The following WNK2 variants were observed in gnomAD, a reference collection of about 807,000 sequenced individuals.
The protein encoded by WNK2 is WNK lysine deficient protein kinase 2.
Under a neutral mutation model 192.1 loss-of-function variants are expected in WNK2, and 67 were observed. That is an observed-to-expected ratio of 0.35 (90% CI 0.29 to 0.43). WNK2 has a LOEUF of 0.43. Ranked by LOEUF, WNK2 falls within the 20% of genes least tolerant of loss-of-function variation. WNK2 has a pLI of 1.00. For missense variants in WNK2, 2,698 were observed against 3,089.7 expected (o/e 0.87, Z 3.01); for synonymous variants, 1,439 against 1,393.9 (o/e 1.03, Z -0.72).
At chr9:93,211,920 A>C (rs536458493) in intron 2 of WNK2, among the ~76,000 whole-genome samples, 1 of 149,618 alleles carries the variant, frequency 6.7e-6, no homozygotes, top group South Asian at 2.1e-4. Context: ...CCACTCACTC[A>C]CTCATCTACT....
At chr9:93,228,041 C>T (rs1838115062) in intron 2 of WNK2, among the ~76,000 whole-genome samples, 1 of 152,158 alleles carries the variant, frequency 6.6e-6, no homozygotes, top group Admixed American at 6.6e-5. Context: ...TTTATGGGAA[C>T]ATTAATTAGA....
At chr9:93,198,084 A>G (rs1831610943) in intron 2 of WNK2, among the ~76,000 whole-genome samples, 1 of 152,190 alleles carries the variant, frequency 6.6e-6, no homozygotes, top group African/African-American at 2.4e-5. Context: ...GTACAGGAAA[A>G]TACAAGATGT....
intron 28 of WNK2, among the ~76,000 whole-genome samples, chr9:93,312,931 G>A (rs1347962805): frequency 6.6e-6 from 1 of 152,144 alleles, no homozygotes; most frequent in East Asian, 1.9e-4. Flanking sequence ...CATTTCCATT[G>A]TAAGTGTCTC....
At chr9:93,265,967 C>T (rs1845103878) in intron 16 of WNK2, among the ~76,000 whole-genome samples, 2 of 152,190 alleles carry the variant, frequency 1.3e-5, no homozygotes, top group African/African-American at 2.4e-5. Context: ...ACTCAGCACT[C>T]GGATACTCCT....
chr9:93,232,942 T>C (rs1389882200), intron 4 of WNK2, among the ~76,000 whole-genome samples: 2 of 116,044 alleles, frequency 1.7e-5, no homozygotes, highest in African/African-American at 3.6e-5. Flanking sequence ...GTCTAGGCAA[T>C]GTAGTGAGAT....
chr9:93,256,890 G>C, intron 10 of WNK2, 58 bp from the exon 11 acceptor site: 5 of 1,453,566 alleles, frequency 3.4e-6, no homozygotes, highest in Non-Finnish European at 4.6e-6. Context: ...GTAACCAGTG[G>C]GGTGCGCTTG....
chr9:93,304,944 G>A (rs950153750), intron 26 of WNK2, among the ~76,000 whole-genome samples: 13 of 152,230 alleles, frequency 8.5e-5, no homozygotes, highest in Admixed American at 5.9e-4. Context: ...GGAGGCCTCC[G>A]TGGGCCAGGG....
At chr9:93,201,601 G>A (rs1445400726) in intron 2 of WNK2, among the ~76,000 whole-genome samples, 1 of 152,202 alleles carries the variant, frequency 6.6e-6, no homozygotes, top group African/African-American at 2.4e-5. Flanking sequence ...GTGTCTGAGG[G>A]CTATGGACAG....
At chr9:93,238,726 C>T (rs1840237720) in intron 6 of WNK2, among the ~76,000 whole-genome samples, 1 of 152,220 alleles carries the variant, frequency 6.6e-6, no homozygotes, top group African/African-American at 2.4e-5. Flanking sequence ...GCCAGTGGCT[C>T]TAGGTGTGGG....
At chr9:93,283,614 A>G (rs1848042172) in intron 19 of WNK2, among the ~76,000 whole-genome samples, 1 of 152,214 alleles carries the variant, frequency 6.6e-6, no homozygotes, top group Admixed American at 6.5e-5. Context: ...CAAATCAGTC[A>G]TTAGAAGCCT....
chr9:93,285,047 A>G (rs926151551), intron 19 of WNK2, among the ~76,000 whole-genome samples: 2 of 152,228 alleles, frequency 1.3e-5, no homozygotes, highest in Non-Finnish European at 2.9e-5. Context: ...GTTACATAAA[A>G]GGTAATATTC....
rs771155224 is a variant in WNK2 at position 93,292,912 on chromosome 9, C to T, written c.5447C>T (p.Ala1816Val). Residue 1816 changes from alanine to valine, a missense_variant, in exon 23 of 30, where the codon GCG (alanine) becomes GTG (valine). This residue lies in a region of WNK2 where 1,098 missense variants were observed against 1,101.0 expected (regional missense o/e 1.00). Coordinates refer to ENST00000427277, the MANE Select transcript of WNK2 (RefSeq NM_006648.4). ...SSDSGDEGPRARPPVQKQASL... is the reference protein window; with the variant it reads ...SSDSGDEGPRVRPPVQKQASL... Reference sequence around the variant, plus strand: ...GACTCTGGGGACGAGGGCCCTCGGGCGAGACCCCCGGTGCAGAAGCAGGCG... The same window carrying T: ...GACTCTGGGGACGAGGGCCCTCGGGTGAGACCCCCGGTGCAGAAGCAGGCG... The T allele has an allele frequency of 1.1e-4, 175 of 1,521,814 alleles. No individual in the cohort carries two copies. Among genetic ancestry groups the T allele is most frequent in the Non-Finnish European group, 3.0e-5 (34 of 1,135,400 alleles). The allele number at this position is 1,521,814 out of a possible 1,614,324, so 94.3% of individuals were successfully genotyped here.
In WNK2 at chr9:93,185,094, G is replaced by A. The variant is rs777268440; in HGVS notation, c.165G>A (p.Pro55=). ...SVVESDQEEP[P]GLEAAEAPGP... ...TAGAGTCGGACCAGGAGGAGCCGCC[G>A]GGCTTGGAGGCAGCCGAGGCGCCGG... Residue 55 remains proline, a synonymous_variant, in exon 2 of 30, where the codon CCG becomes CCA. Coordinates refer to ENST00000427277, the MANE Select transcript of WNK2 (RefSeq NM_006648.4). 3.8e-6 allele frequency: 5 copies of A among 1,311,692 alleles called. No individual in the cohort carries two copies. In the South Asian group the frequency reaches 9.8e-5, roughly 26 times the overall value. The allele number at this position is 1,311,692 out of a possible 1,614,324, so 81.3% of individuals were successfully genotyped here.
At chr9:93,227,355 C>T (rs1054654838) in intron 2 of WNK2, among the ~76,000 whole-genome samples, 8 of 152,106 alleles carry the variant, frequency 5.3e-5, no homozygotes, top group Admixed American at 2.6e-4. Context: ...GTTCGTGATC[C>T]GCCCGCCTCG....
intron 2 of WNK2, among the ~76,000 whole-genome samples, chr9:93,195,956 C>T (rs1393685375): frequency 6.6e-6 from 1 of 151,974 alleles, no homozygotes; most frequent in Non-Finnish European, 1.5e-5. Flanking sequence ...TATTTTGAAC[C>T]CTTTGCTGAG....
intron 2 of WNK2, among the ~76,000 whole-genome samples, chr9:93,195,680 CAGAGT>C (rs1831111991): frequency 3.9e-5 from 3 of 77,292 alleles, no homozygotes; most frequent in Admixed American, 4.2e-4. Flanking sequence ...GCCTGGGCAA[CAGAGT>C]AAAGACTTTG....
intron 29 of WNK2, 118 bp from the exon 30 acceptor site, chr9:93,320,248 TG>T: frequency 1.7e-6 from 2 of 1,161,574 alleles, no homozygotes; most frequent in Non-Finnish European, 2.3e-6. Context: ...GCGTGGGTCA[TG>T]GCAGAGCTGG....
rs1374190995 is a variant in WNK2, at chr9:93,229,726, C to T, written c.712C>T (p.Arg238Trp). ...GAAGCTCACCAAGCTGGAGCGGCAG[C>T]GGTTCAAGGAAGAGGCTGAGATGCT... ...DRKLTKLERQRFKEEAEMLKG... is the reference protein window; with the variant it reads ...DRKLTKLERQWFKEEAEMLKG... The change falls in exon 3 of 30, where the codon CGG (arginine) becomes TGG (tryptophan). Residue 238 changes from arginine (R) to tryptophan (W), a missense_variant. Transcript: ENST00000427277. This position sits in a 1 kb window ranked among gnomAD's most constrained non-coding sequence, Gnocchi z 4.9. 5 of 1,613,242 alleles carry T rather than the reference C, an allele frequency of 3.1e-6. No individual in the cohort carries two copies. Among genetic ancestry groups the T allele is most frequent in the Non-Finnish European group, 4.2e-6 (5 of 1,179,588 alleles).
intron 28 of WNK2, chr9:93,308,864 GCC>G: frequency 7.6e-7 from 1 of 1,318,854 alleles, no homozygotes; most frequent in Non-Finnish European, 9.7e-7. Context: ...AGCAGCCCCA[GCC>G]TGGGCAGCCC....
Sources: gnomAD v4.1 joint callset for allele counts (sites outside exome capture counted in the v4.1 genomes callset) on GRCh38, gnomAD v4.1.1 for gene constraint, gnomAD v4.1.1 regional missense constraint, Gnocchi (gnomAD v3.1) non-coding constraint, MANE v1.5 for transcripts, NCBI Gene and HGNC (gene_info 2026-07-23, HGNC 2026-07-21) for gene names.